The following AGBL4 variants were observed in gnomAD, a reference collection of about 807,000 sequenced individuals.
AGBL4 encodes cytosolic carboxypeptidase 6.
A neutral mutation model predicts 66.4 loss-of-function variants in AGBL4; 58 were observed. That is an observed-to-expected ratio of 0.87 (90% CI 0.71 to 1.09). The LOEUF (loss-of-function observed/expected upper bound fraction) is 1.09. AGBL4 is among the 50% of genes least tolerant of loss of function. The pLI, the probability that AGBL4 is intolerant of heterozygous loss-of-function variation, is 0.00. For missense variants in AGBL4, 579 were observed against 631.0 expected (o/e 0.92, Z 0.88); for synonymous variants, 234 against 222.9 (o/e 1.05, Z -0.44).
intron 4 of AGBL4, among the ~76,000 whole-genome samples, chr1:49,151,852 T>C (rs1646342285): frequency 6.6e-6 from 1 of 152,192 alleles, no homozygotes; most frequent in Non-Finnish European, 1.5e-5. Flanking sequence ...TCCCCCTTTA[T>C]GTAATACCTA....
intron 4 of AGBL4, among the ~76,000 whole-genome samples, chr1:49,245,562 C>T (rs1453035507): frequency 1.3e-5 from 2 of 151,786 alleles, no homozygotes. Context: ...CAAAGAATGG[C>T]CATACAGAAA....
chr1:49,643,256 G>A (rs185174200), intron 3 of AGBL4, among the ~76,000 whole-genome samples: 9 of 151,688 alleles, frequency 5.9e-5, no homozygotes, highest in South Asian at 2.1e-4. Flanking sequence ...AAAGATTAGC[G>A]ATCTTAAAAA....
At chr1:49,138,893 G>T (rs902923261) in intron 4 of AGBL4, among the ~76,000 whole-genome samples, 2 of 152,134 alleles carry the variant, frequency 1.3e-5, no homozygotes, top group Admixed American at 1.3e-4. Flanking sequence ...GGTAATTTAT[G>T]AAGAAAAGAG....
Position 48,694,039 on chromosome 1 carries a change from T to C in AGBL4, c.635-30798A>G, listed in dbSNP as rs574222303. 3.9e-3 allele frequency among the ~76,000 whole-genome samples: 549 copies of C among 141,666 alleles called. 3 individuals carry two copies. The highest frequency in any genetic ancestry group is 0.016 in the African/African-American group (528 of 33,466). 92.9% of individuals were successfully genotyped at this position (141,666 alleles called of 152,430 possible). ...CTGCTCTGTCCCCTGACCTGATTTTTTCCCTATTCAAAAAAAAAAAAAAAA... is the reference window on the plus strand; with the variant it reads ...CTGCTCTGTCCCCTGACCTGATTTTCTCCCTATTCAAAAAAAAAAAAAAAA... On this transcript the variant is annotated intron_variant, in intron 6 of 13. Coordinates refer to ENST00000371839, the MANE Select transcript of AGBL4 (RefSeq NM_032785.4).
At chr1:49,611,657 G>A (rs775196046) in intron 3 of AGBL4, among the ~76,000 whole-genome samples, 3 of 152,202 alleles carry the variant, frequency 2.0e-5, no homozygotes, top group South Asian at 2.1e-4. Flanking sequence ...GATTACAGGC[G>A]TGAGCCACCG....
chr1:49,692,867 C>A (rs2124600804), intron 3 of AGBL4, among the ~76,000 whole-genome samples: 1 of 152,196 alleles, frequency 6.6e-6, no homozygotes, highest in Admixed American at 6.5e-5. Context: ...TTAAACACTT[C>A]TTTTTTTAAA....
intron 3 of AGBL4, among the ~76,000 whole-genome samples, chr1:49,258,745 CAGG>C (rs1170873631): frequency 2.0e-5 from 3 of 152,108 alleles, no homozygotes; most frequent in Non-Finnish European, 4.4e-5. Flanking sequence ...GGATATTATC[CAGG>C]AGAACTTCCC....
intron 6 of AGBL4, among the ~76,000 whole-genome samples, chr1:48,863,108 A>G (rs4415617): frequency 0.015 from 2,291 of 152,296 alleles, 58 homozygotes; most frequent in African/African-American, 0.053. Flanking sequence ...AACTTAGTCT[A>G]AACAAGAATA....
chr1:49,252,415 A>T (rs1009203766), intron 3 of AGBL4, among the ~76,000 whole-genome samples: 1 of 152,194 alleles, frequency 6.6e-6, no homozygotes, highest in Admixed American at 6.5e-5. Context: ...TTACGTAAAG[A>T]CATCAAATCT....
At position 48,586,884 on chromosome 1, in the gene AGBL4, C is replaced by A. The variant is rs186136823; in HGVS notation, c.1267+120G>T. 4.5e-6 allele frequency: 6 copies of A among 1,322,082 alleles called. No individual in the cohort carries two copies. In the African/African-American group the frequency reaches 7.3e-5, roughly 16 times the overall value. The allele number at this position is 1,322,082 out of a possible 1,614,324, so 81.9% of individuals were successfully genotyped here. A position where few individuals can be genotyped will look rare whatever the true frequency, so the allele number is the denominator to read the frequency against. On this transcript the variant is annotated intron_variant, in intron 11 of 13. Coordinates refer to ENST00000371839, the MANE Select transcript of AGBL4 (RefSeq NM_032785.4). ...ACGCCACCAGAAGAAGAAGCACCTC[C>A]ATCCTCACCTGAGAGTCTCAGCCCT...
intron 2 of AGBL4, among the ~76,000 whole-genome samples, chr1:49,722,889 A>G (rs2124691068): frequency 6.6e-6 from 1 of 152,244 alleles, no homozygotes; most frequent in South Asian, 2.1e-4. Flanking sequence ...CTTTTAAATT[A>G]TCAGGCCCAG....
chr1:49,945,795 A>G (rs746033308), intron 1 of AGBL4, among the ~76,000 whole-genome samples: 1 of 152,098 alleles, frequency 6.6e-6, no homozygotes, highest in Non-Finnish European at 1.5e-5. Context: ...TTCATCAACT[A>G]ACAATCTGCT....
chr1:49,642,414 C>T (rs1645800459), intron 3 of AGBL4, among the ~76,000 whole-genome samples: 1 of 151,936 alleles, frequency 6.6e-6, no homozygotes, highest in African/African-American at 2.4e-5. Context: ...CAGGAAGATC[C>T]TTGCTGTCTC....
In AGBL4 at chr1:49,548,903, G is replaced by T. The variant is rs140681178; in HGVS notation, c.282+148410C>A. On this transcript the variant is annotated intron_variant, in intron 3 of 13. Transcript: ENST00000371839. ...TAGAATTCTGCTGTAAATCCGTCTGGTCTGGGACTTTTTTTGTTAGTAATT... is the reference window on the plus strand; with the variant it reads ...TAGAATTCTGCTGTAAATCCGTCTGTTCTGGGACTTTTTTTGTTAGTAATT... Among the ~76,000 whole-genome samples the T allele has an allele frequency of 8.0e-3, 1,214 of 152,128 alleles. 9 individuals are homozygous for T. Among genetic ancestry groups the T allele is most frequent in the Middle Eastern group, 0.031 (9 of 294 alleles).
intron 3 of AGBL4, among the ~76,000 whole-genome samples, chr1:49,270,397 C>G (rs935063493): frequency 6.6e-6 from 1 of 152,094 alleles, no homozygotes; most frequent in Non-Finnish European, 1.5e-5. Context: ...GGCTGGGTAC[C>G]CAAACACACT....
At chr1:48,838,341 C>T (rs1039777519) in intron 6 of AGBL4, among the ~76,000 whole-genome samples, 7 of 152,104 alleles carry the variant, frequency 4.6e-5, no homozygotes. Flanking sequence ...TAAAAACAGA[C>T]ATATAGACCA....
At position 48,736,313 on chromosome 1, in the gene AGBL4, C is replaced by A; in HGVS notation, c.635-73072G>T. On this transcript the variant is annotated intron_variant, in intron 6 of 13. Coordinates refer to ENST00000371839, the MANE Select transcript of AGBL4 (RefSeq NM_032785.4). The surrounding 1 kb of genome is among the most constrained non-coding windows in gnomAD (Gnocchi z 4.0). Reference sequence around the variant, plus strand: ...ATCTTTCTTTTTTTTTGTGGCGACGCCTGTGACGCTTCTGTTTTTCAGAAC... The same window carrying A: ...ATCTTTCTTTTTTTTTGTGGCGACGACTGTGACGCTTCTGTTTTTCAGAAC... 6.2e-7 allele frequency: 1 copy of A among 1,614,084 alleles called. No homozygotes were observed.
chr1:48,586,717 T>G, intron 11 of AGBL4: 2 of 369,026 alleles, frequency 5.4e-6, no homozygotes, highest in Non-Finnish European at 1.0e-5. Flanking sequence ...CACTGCATCA[T>G]GAGAGAAGAG....
chr1:49,263,416 A>T (rs1653421937), intron 3 of AGBL4, among the ~76,000 whole-genome samples: 1 of 152,154 alleles, frequency 6.6e-6, no homozygotes, highest in African/African-American at 2.4e-5. Context: ...CAAATTTATA[A>T]AGAACTATTA....
Sources: allele counts gnomAD v4.1 joint callset (sites outside exome capture counted in the v4.1 genomes callset), GRCh38; gene constraint gnomAD v4.1.1; non-coding constraint Gnocchi (gnomAD v3.1); transcripts MANE v1.5; gene names NCBI Gene and HGNC (gene_info 2026-07-23, HGNC 2026-07-21).